ZNF506: variants seen among roughly 807,000 people sequenced by gnomAD.
The protein encoded by ZNF506 is zinc finger protein 506.
In ZNF506, 10 loss-of-function variants were observed where a neutral mutation model predicts 11.6. The observed-to-expected ratio is 0.86, with a 90% CI of 0.53 to 1.46. The LOEUF (loss-of-function observed/expected upper bound fraction) is 1.46, where lower values mean the gene tolerates loss of function less well. ZNF506 is among the 40% of genes most tolerant of loss of function. The pLI is 0.00. For synonymous variants in ZNF506, 156 were observed against 173.3 expected (o/e 0.90, Z 0.78); for missense variants, 425 against 521.2 (o/e 0.82, Z 1.80).
chr19:19,808,907 G>A (rs1444014500), intron 1 of ZNF506, among the ~76,000 whole-genome samples: 1 of 149,780 alleles, frequency 6.7e-6, no homozygotes, highest in African/African-American at 2.5e-5. Context: ...TTACTCCTCT[G>A]TTCTGTAATT....
chr19:19,804,989 G>T (rs530423028), intron 3 of ZNF506, among the ~76,000 whole-genome samples: 1 of 151,932 alleles, frequency 6.6e-6, no homozygotes, highest in African/African-American at 2.4e-5. Flanking sequence ...TGTAAATGAC[G>T]AGTTAATGGG....
chr19:19,812,985 T>C (rs1023208196), intron 1 of ZNF506, among the ~76,000 whole-genome samples: 21 of 152,222 alleles, frequency 1.4e-4, no homozygotes, highest in Non-Finnish European at 2.9e-4. Flanking sequence ...ATAGGGGTTC[T>C]ATATTTAAAT....
Position 19,807,052 on chromosome 19 carries a change from C to T in ZNF506, c.20G>A (p.Arg7Lys). Residue 7 changes from arginine to lysine, a missense_variant, in exon 2 of 4, where the codon AGA becomes AAA. By Grantham distance (26) the Arg-to-Lys change is conservative. Coordinates refer to ENST00000540806, the MANE Select transcript of ZNF506 (RefSeq NM_001099269.3). MGPLQF[R>K]DVAIEFSLEE... is the part of the protein sequence containing the mutation. ...CAGAGAGAATTCTATGGCCACATCT[C>T]TAAATTGCAATGGTCCCTGAAAAAA... The T allele has an allele frequency of 6.2e-7, 1 of 1,613,886 alleles. No individual in the cohort carries two copies. Among genetic ancestry groups the T allele is most frequent in the East Asian group, 2.2e-5 (1 of 44,842 alleles).
At chr19:19,812,308 C>G (rs192860534) in intron 1 of ZNF506, among the ~76,000 whole-genome samples, 1 of 152,360 alleles carries the variant, frequency 6.6e-6, no homozygotes, top group Non-Finnish European at 1.5e-5. Flanking sequence ...GCCGCTGGCC[C>G]AATGATAAGC....
In ZNF506 at chr19:19,793,470, A is replaced by C. The variant is rs2062711093; in HGVS notation, c.*1082T>G. Among the ~76,000 whole-genome samples, 2 of 152,312 alleles carry C rather than the reference A, an allele frequency of 1.3e-5. No individual in the cohort carries two copies. Among genetic ancestry groups the C allele is most frequent in the East Asian group, 3.9e-4 (2 of 5,184 alleles). ...AATATAAATTCCATGTTGTTGAATAAAGCTGGAGCAACTGCTTCAGGTTTT... is the reference window on the plus strand; with the variant it reads ...AATATAAATTCCATGTTGTTGAATACAGCTGGAGCAACTGCTTCAGGTTTT... On this transcript the variant is annotated 3_prime_UTR_variant, in exon 4 of 4. Transcript: ENST00000540806.
intron 1 of ZNF506, among the ~76,000 whole-genome samples, chr19:19,807,473 T>A (rs2062844439): frequency 6.6e-6 from 1 of 152,168 alleles, no homozygotes; most frequent in African/African-American, 2.4e-5. Flanking sequence ...ATGCAGGTTT[T>A]TTTTTCCAGA....
chr19:19,795,285 T>C lies in ZNF506; in HGVS notation c.602A>G (p.Tyr201Cys), dbSNP rs750351266. 1.2e-6 allele frequency: 2 copies of C among 1,613,992 alleles called. No individual in the cohort carries two copies. The highest frequency in any genetic ancestry group is 2.2e-5 in the East Asian group (1 of 44,858). ...YKKIDAGEKR[Y>C]KCEECGKAYK... ...GGCTTTACCACATTCTTCACATTTA[T>C]AGCGTTTCTCTCCAGCATCAATTTT... Residue 201 changes from tyrosine to cysteine, a missense_variant, in exon 4 of 4, where the codon TAT becomes TGT. By Grantham distance (194) the Tyr-to-Cys change is radical. This residue lies in a region of ZNF506 where 226 missense variants were observed against 279.1 expected (regional missense o/e 0.81). Coordinates refer to ENST00000540806, the MANE Select transcript of ZNF506 (RefSeq NM_001099269.3).
chr19:19,795,413 T>C lies in ZNF506; in HGVS notation c.474A>G (p.Ser158=). 1 of 1,593,786 alleles carries C rather than the reference T, an allele frequency of 6.3e-7. No individual in the cohort carries two copies. The highest frequency in any genetic ancestry group is 8.5e-7 in the Non-Finnish European group (1 of 1,173,732). ...DEYVKFLHKF[S]NSNKHKIRDT... is the part of the protein sequence containing the mutation. ...CTCTTATCTTATGTTTGTTTGAATT[T>C]GAAAATTTATGCAAGAATTTCACAT... The change falls in exon 4 of 4, where the codon TCA becomes TCG. Residue 158 remains serine (S), a synonymous_variant. Transcript: ENST00000540806.
intron 1 of ZNF506, among the ~76,000 whole-genome samples, chr19:19,816,381 G>A (rs896741657): frequency 2.6e-5 from 4 of 151,534 alleles, no homozygotes; most frequent in African/African-American, 9.7e-5. Context: ...TTTTTGAGAT[G>A]GAGTCTTGCT....
At position 19,794,449 on chromosome 19, in the gene ZNF506, AG is replaced by A; in HGVS notation, c.*102del. ...GCTTTGTCACATTCTTTATATTTGT[AG>A]GGTTTATGTTCCATATAAATTCTCA... On this transcript the variant is annotated 3_prime_UTR_variant, in exon 4 of 4. Coordinates refer to ENST00000540806, the MANE Select transcript of ZNF506 (RefSeq NM_001099269.3). 8.7e-7 allele frequency: 1 copy of A among 1,149,046 alleles called. No homozygotes were observed. The highest frequency in any genetic ancestry group is 1.2e-6 in the Non-Finnish European group (1 of 813,452). 71.2% of individuals were successfully genotyped at this position (1,149,046 alleles called of 1,614,324 possible). A position where few individuals can be genotyped will look rare whatever the true frequency, so the allele number is the denominator to read the frequency against.
rs1202219026 is a variant in ZNF506, at chr19:19,793,122, A to T, written c.*1430T>A. On this transcript the variant is annotated 3_prime_UTR_variant, in exon 4 of 4. Transcript: ENST00000540806. ...TTACATCATTATTCACTGTTCAAAA[A>T]TTTTTTTCAAGAAACAAGTACACTT... Among the ~76,000 whole-genome samples, 2 of 152,054 alleles carry T rather than the reference A, an allele frequency of 1.3e-5. No individual in the cohort carries two copies. The highest frequency in any genetic ancestry group is 6.6e-5 in the Admixed American group (1 of 15,260).
intron 1 of ZNF506, among the ~76,000 whole-genome samples, chr19:19,816,241 T>A (rs1442457750): frequency 6.6e-6 from 1 of 151,792 alleles, no homozygotes; most frequent in Non-Finnish European, 1.5e-5. Flanking sequence ...TGGAGTGCAG[T>A]GGCACTATCC....
In ZNF506 at chr19:19,819,140, C is replaced by T. The variant is rs56921190; in HGVS notation, c.3+2461G>A. On this transcript the variant is annotated intron_variant, in intron 1 of 3. Transcript: ENST00000540806. ...ACCGCGCCATGCCCCAGTGAGTGCC[C>T]CACGTGCATTTTACTTTGTTAAGTT... 6.3e-3 allele frequency among the ~76,000 whole-genome samples: 956 copies of T among 152,218 alleles called. 12 individuals carry two copies. The highest frequency in any genetic ancestry group is 0.021 in the African/African-American group (872 of 41,524).
Position 19,795,409 on chromosome 19 carries a change from A to G in ZNF506, c.478T>C (p.Ser160Pro), listed in dbSNP as rs75643424. 4.1e-3 allele frequency: 6,600 copies of G among 1,593,466 alleles called. 252 individuals are homozygous for G. In the African/African-American group the frequency reaches 0.077, roughly 19 times the overall value. The stretch of plus-strand genomic sequence containing the variant: ...GTATCTCTTATCTTATGTTTGTTTG[A>G]ATTTGAAAATTTATGCAAGAATTTC... ...YVKFLHKFSN[S>P]NKHKIRDTGK... Residue 160 changes from serine to proline, a missense_variant, in exon 4 of 4, where the codon TCA (serine) becomes CCA (proline). Around this residue, in one of 3 missense-constraint regions of ZNF506, gnomAD observed 226 missense variants for 279.1 expected, o/e 0.81. Coordinates refer to ENST00000540806, the MANE Select transcript of ZNF506 (RefSeq NM_001099269.3).
At chr19:19,812,671 A>T (rs1408902076) in intron 1 of ZNF506, among the ~76,000 whole-genome samples, 1 of 152,184 alleles carries the variant, frequency 6.6e-6, no homozygotes, top group Admixed American at 6.5e-5. Context: ...CTCTATCCAA[A>T]GTCTGGCCCT....
At chr19:19,806,851 CA>C in intron 2 of ZNF506, 90 bp downstream of exon 2, 1 of 1,457,628 alleles carries the variant, frequency 6.9e-7, no homozygotes, top group South Asian at 1.3e-5. Context: ...CTCTTGTATG[CA>C]AAGAATAAAT....
At chr19:19,821,471 C>T (rs1238746605) in intron 1 of ZNF506, 130 bp downstream of exon 1, 7 of 1,257,308 alleles carry the variant, frequency 5.6e-6, no homozygotes, top group African/African-American at 2.9e-5. Flanking sequence ...GCAATGAGAA[C>T]TTGGAGCGCA....
intron 1 of ZNF506, among the ~76,000 whole-genome samples, chr19:19,807,279 C>T (rs1451664288): frequency 1.3e-5 from 2 of 152,112 alleles, no homozygotes; most frequent in African/African-American, 4.8e-5. Flanking sequence ...CATCAGTTCA[C>T]ATATGATATT....
intron 1 of ZNF506, among the ~76,000 whole-genome samples, chr19:19,814,971 T>C (rs1012307422): frequency 2.6e-5 from 4 of 151,912 alleles, no homozygotes; most frequent in African/African-American, 9.7e-5. Context: ...AAAAATGCCA[T>C]TGTGGGCCGG....
Sources: allele counts gnomAD v4.1 joint callset (sites outside exome capture counted in the v4.1 genomes callset), GRCh38; gene constraint gnomAD v4.1.1; regional missense constraint gnomAD v4.1.1; transcripts MANE v1.5; gene names NCBI Gene and HGNC (gene_info 2026-07-23, HGNC 2026-07-21).